Variants in PTPRE observed in about 807,000 individuals in gnomAD.
The protein encoded by PTPRE is protein tyrosine phosphatase receptor type E, also known as receptor-type tyrosine-protein phosphatase epsilon.
A neutral mutation model predicts 102.0 loss-of-function variants in PTPRE; 51 were observed. The ratio of observed to expected loss-of-function variants is 0.50; its 90% CI spans 0.40 to 0.63. The LOEUF is 0.63. PTPRE is among the 30% of genes least tolerant of loss of function. PTPRE has a pLI of 0.00. For synonymous variants in PTPRE, 345 were observed against 348.2 expected, an observed-to-expected ratio of 0.99 and a Z score of 0.10; for missense variants, 752 against 915.1, an observed-to-expected ratio of 0.82 and a Z score of 2.30.
At position 127,909,790 on chromosome 10, in the gene PTPRE, C is replaced by T. The variant is rs1000612757; in HGVS notation, c.-31+2481C>T. ...ACTTGGAAGTGAGACCTTCCCGAAGCGCATGTGCTGATGGAGCAAGTGTGT... is the reference window on the plus strand; with the variant it reads ...ACTTGGAAGTGAGACCTTCCCGAAGTGCATGTGCTGATGGAGCAAGTGTGT... On this transcript the variant is annotated intron_variant, in intron 1 of 20. Coordinates refer to ENST00000254667, the MANE Select transcript of PTPRE (RefSeq NM_006504.6). Among the ~76,000 whole-genome samples, 9 of 152,350 alleles carry T rather than the reference C, an allele frequency of 5.9e-5. No homozygotes were observed. In the East Asian group the frequency reaches 9.6e-4, roughly 16 times the overall value.
intron 1 of PTPRE, among the ~76,000 whole-genome samples, chr10:127,929,960 G>C (rs1196059210): frequency 6.6e-6 from 1 of 151,542 alleles, no homozygotes; most frequent in African/African-American, 2.4e-5. Flanking sequence ...GGGAGGCTGA[G>C]GCAGGAGAAT....
chr10:128,042,505 C>T (rs965802466), intron 3 of PTPRE, among the ~76,000 whole-genome samples: 1 of 152,230 alleles, frequency 6.6e-6, no homozygotes, highest in Non-Finnish European at 1.5e-5. Flanking sequence ...GGTCCAGCCT[C>T]TGCCAGGGCC....
chr10:127,947,635 C>T (rs1268622551), intron 1 of PTPRE, among the ~76,000 whole-genome samples: 1 of 152,130 alleles, frequency 6.6e-6, no homozygotes, highest in African/African-American at 2.4e-5. Context: ...GGCTATTCTC[C>T]CATATGTTAA....
At position 128,083,989 on chromosome 10, in the gene PTPRE, AT is replaced by A. The variant is rs1851915438; in HGVS notation, c.*1089del. On this transcript the variant is annotated 3_prime_UTR_variant, in exon 21 of 21. Coordinates refer to ENST00000254667, the MANE Select transcript of PTPRE (RefSeq NM_006504.6). ...AATCCTTAAAATCTAGATTTATACC[AT>A]TTTTTAAAGTCCCACCTTTCAATGT... is the stretch of plus-strand genomic sequence containing the variant. 6.6e-6 allele frequency: 1 copy of A among 152,054 alleles called. No individual in the cohort carries two copies. Among genetic ancestry groups the A allele is most frequent in the Non-Finnish European group, 1.5e-5 (1 of 68,022 alleles). 9.4% of individuals were successfully genotyped at this position (152,054 alleles called of 1,614,324 possible). A position where few individuals can be genotyped will look rare whatever the true frequency, so the allele number is the denominator to read the frequency against.
At chr10:128,043,825 A>G (rs1590116801) in intron 3 of PTPRE, among the ~76,000 whole-genome samples, 1 of 152,312 alleles carries the variant, frequency 6.6e-6, no homozygotes, top group East Asian at 1.9e-4. Flanking sequence ...CTGGGCTGAC[A>G]TGGAAACTCT....
chr10:127,951,306 G>A (rs549399049), intron 1 of PTPRE, among the ~76,000 whole-genome samples: 1 of 152,242 alleles, frequency 6.6e-6, no homozygotes, highest in Non-Finnish European at 1.5e-5. Flanking sequence ...GAAGGACTCT[G>A]GTAGACTACA....
intron 1 of PTPRE, among the ~76,000 whole-genome samples, chr10:127,967,949 GC>G (rs1334559624): frequency 6.6e-6 from 1 of 152,058 alleles, no homozygotes; most frequent in African/African-American, 2.4e-5. Flanking sequence ...GCAAGGCCTT[GC>G]CTAGCTATTC....
At chr10:127,948,668 GC>G (rs1293028831) in intron 1 of PTPRE, among the ~76,000 whole-genome samples, 1 of 152,146 alleles carries the variant, frequency 6.6e-6, no homozygotes, top group Admixed American at 6.5e-5. Context: ...TTCTTCCCAG[GC>G]TTTTCATGAG....
intron 2 of PTPRE, among the ~76,000 whole-genome samples, chr10:128,017,937 G>A (rs1845570034): frequency 6.6e-6 from 1 of 152,214 alleles, no homozygotes; most frequent in Non-Finnish European, 1.5e-5. Flanking sequence ...CGGGCATCCT[G>A]CATGCTTCGC....
chr10:128,023,402 C>G (rs1008445452), intron 2 of PTPRE, among the ~76,000 whole-genome samples: 2 of 151,244 alleles, frequency 1.3e-5, no homozygotes, highest in African/African-American at 4.9e-5. Flanking sequence ...ATACATAGTA[C>G]GTATAGAAAA....
chr10:127,932,528 G>A (rs528548078), intron 1 of PTPRE, among the ~76,000 whole-genome samples: 9 of 152,322 alleles, frequency 5.9e-5, no homozygotes, highest in South Asian at 2.1e-4. Flanking sequence ...AGCCTTTTGC[G>A]CATGGCACGC....
rs959519224 is a variant in PTPRE at position 128,070,165 on chromosome 10, G to A, written c.1144-136G>A. 9.4e-7 allele frequency: 1 copy of A among 1,066,702 alleles called. No individual in the cohort carries two copies. Among genetic ancestry groups the A allele is most frequent in the Non-Finnish European group, 1.3e-6 (1 of 746,562 alleles). The allele number at this position is 1,066,702 out of a possible 1,614,324, so 66.1% of individuals were successfully genotyped here. ...GGTCGTTATCCGTGGCCGGTACTCT[G>A]ACTCTTGCCTCACACCTCCTTGTGT... On this transcript the variant is annotated intron_variant, in intron 13 of 20. Coordinates refer to ENST00000254667, the MANE Select transcript of PTPRE (RefSeq NM_006504.6). The surrounding 1 kb of genome is among the most constrained non-coding windows in gnomAD (Gnocchi z 4.8).
chr10:128,047,238 G>C (rs750957494), intron 3 of PTPRE, 152 bp from the exon 4 acceptor site: 13 of 1,174,230 alleles, frequency 1.1e-5, no homozygotes, highest in Admixed American at 2.9e-5. Flanking sequence ...TCGCTTCTCT[G>C]TTACCTCGTG....
At chr10:128,060,427 G>A (rs1849482740) in intron 7 of PTPRE, among the ~76,000 whole-genome samples, 2 of 152,142 alleles carry the variant, frequency 1.3e-5, no homozygotes, top group African/African-American at 4.8e-5. Flanking sequence ...GGGACTGAGG[G>A]TCAGAGTCCC....
intron 2 of PTPRE, among the ~76,000 whole-genome samples, chr10:128,031,112 T>G (rs187678227): frequency 2.0e-5 from 3 of 152,256 alleles, no homozygotes; most frequent in Non-Finnish European, 4.4e-5. Context: ...GCTGAATGAA[T>G]GCATGGATGA....
rs979202463 is a variant in PTPRE at position 128,085,817 on chromosome 10, C to T, written c.*2911C>T. 4 of 143,130 alleles carry T rather than the reference C, an allele frequency of 2.8e-5. No individual in the cohort carries two copies. The highest frequency in any genetic ancestry group is 1.1e-4 in the African/African-American group (4 of 37,238). 8.9% of individuals were successfully genotyped at this position (143,130 alleles called of 1,614,324 possible). A position where few individuals can be genotyped will look rare whatever the true frequency, so the allele number is the denominator to read the frequency against. On this transcript the variant is annotated 3_prime_UTR_variant, in exon 21 of 21. Transcript: ENST00000254667. Reference sequence around the variant, plus strand: ...GTATATGCAAATTGCAAGATTTAAACCATTCTGATGCAAGGATAAACCTTT... The same window carrying T: ...GTATATGCAAATTGCAAGATTTAAATCATTCTGATGCAAGGATAAACCTTT...
At chr10:127,996,288 A>T (rs1853256634) in intron 2 of PTPRE, among the ~76,000 whole-genome samples, 1 of 152,212 alleles carries the variant, frequency 6.6e-6, no homozygotes, top group Non-Finnish European at 1.5e-5. Context: ...GCAATAGTAG[A>T]TTACAAGGAA....
rs572034466 is a variant in PTPRE, at chr10:127,942,275, A to G, written c.-31+34966A>G. ...AACTGAGGCTCTAATCACTATCAGA[A>G]ACGGAAGAATGTTGAGGAAAGGTGA... On this transcript the variant is annotated intron_variant, in intron 1 of 20. Coordinates refer to ENST00000254667, the MANE Select transcript of PTPRE (RefSeq NM_006504.6). Among the ~76,000 whole-genome samples, 34 of 152,326 alleles carry G rather than the reference A, an allele frequency of 2.2e-4. No individual in the cohort carries two copies. The South Asian group carries it at 6.8e-3, about 31-fold the overall frequency.
intron 1 of PTPRE, among the ~76,000 whole-genome samples, chr10:127,976,777 G>A (rs1052559350): frequency 2.6e-5 from 4 of 152,176 alleles, no homozygotes; most frequent in Admixed American, 2.6e-4. Flanking sequence ...TCATGCATTA[G>A]AAAATATAGA....
Sources: gnomAD v4.1 joint callset for allele counts (sites outside exome capture counted in the v4.1 genomes callset) on GRCh38, gnomAD v4.1.1 for gene constraint, Gnocchi (gnomAD v3.1) non-coding constraint, MANE v1.5 for transcripts, NCBI Gene and HGNC (gene_info 2026-07-23, HGNC 2026-07-21) for gene names.